Variants in ST8SIA2 observed in about 807,000 individuals in gnomAD.
ST8SIA2 encodes the protein alpha-2,8-sialyltransferase 8B.
ST8SIA2 carries 22 observed loss-of-function variants against 37.6 expected under a neutral mutation model. That is an observed-to-expected ratio of 0.58 (90% confidence interval 0.42 to 0.83). ST8SIA2 has a LOEUF of 0.83. Ranked by LOEUF, ST8SIA2 falls within the 40% of genes least tolerant of loss-of-function variation. The pLI, the probability that ST8SIA2 is intolerant of heterozygous loss-of-function variation, is 0.00. For missense variants in ST8SIA2, 382 were observed against 484.7 expected (o/e 0.79, Z 1.99); for synonymous variants, 205 against 201.2 (o/e 1.02, Z -0.16).
chr15:92,433,433 C>A (rs971868864), intron 2 of ST8SIA2, among the ~76,000 whole-genome samples: 2 of 152,274 alleles, frequency 1.3e-5, no homozygotes, highest in East Asian at 3.9e-4. Context: ...TTTATAGAAA[C>A]CTACTAGCAT....
intron 1 of ST8SIA2, among the ~76,000 whole-genome samples, chr15:92,423,554 C>T (rs1319800376): frequency 6.6e-6 from 1 of 152,230 alleles, no homozygotes; most frequent in African/African-American, 2.4e-5. Flanking sequence ...AGCAAGGCAC[C>T]AGCAGGGCAG....
intron 1 of ST8SIA2, among the ~76,000 whole-genome samples, chr15:92,397,455 C>T (rs561319884): frequency 2.4e-4 from 36 of 152,134 alleles, no homozygotes; most frequent in Non-Finnish European, 4.6e-4. Context: ...TCTCATTGAG[C>T]TGGAGCTGAC....
At chr15:92,454,097 A>AG (rs1037950783) in intron 5 of ST8SIA2, among the ~76,000 whole-genome samples, 1 of 152,188 alleles carries the variant, frequency 6.6e-6, no homozygotes, top group African/African-American at 2.4e-5. Flanking sequence ...CTCGCTAATC[A>AG]GGGCTACCGT....
chr15:92,445,750 A>T (rs1209568420), intron 5 of ST8SIA2, among the ~76,000 whole-genome samples: 1 of 152,226 alleles, frequency 6.6e-6, no homozygotes, highest in Non-Finnish European at 1.5e-5. Context: ...AGATTCCAAG[A>T]ATTAAGGAAA....
rs2049409296 is a variant in ST8SIA2, at chr15:92,393,976, C to T, written c.-89C>T. 5.8e-6 allele frequency: 5 copies of T among 861,224 alleles called. No individual in the cohort carries two copies. Among genetic ancestry groups the T allele is most frequent in the East Asian group, 4.3e-5 (1 of 23,180 alleles). 53.3% of individuals were successfully genotyped at this position (861,224 alleles called of 1,614,324 possible). On this transcript the variant is annotated 5_prime_UTR_variant, in exon 1 of 6. Transcript: ENST00000268164. ...AGGGTGTCTGCCCAGCTGCGCGCGG[C>T]GCGCGGAGGCTCCGGCGTCCGCCGC...
chr15:92,417,390 T>C (rs1567213492), intron 1 of ST8SIA2, among the ~76,000 whole-genome samples: 1 of 152,146 alleles, frequency 6.6e-6, no homozygotes, highest in East Asian at 1.9e-4. Flanking sequence ...CCAAATTGAG[T>C]GCCCTCCAGA....
In ST8SIA2 at chr15:92,430,049, G is replaced by T; in HGVS notation, c.99G>T (p.Gly33=). The T allele has an allele frequency of 1.9e-6, 3 of 1,614,152 alleles. No homozygotes were observed. The highest frequency in any genetic ancestry group is 2.5e-6 in the Non-Finnish European group (3 of 1,180,018). ...ATAATGCATTTCCTTTGTCTTGCAGGAATTCGGGAGGCAGAGGTACAATCA... is the reference window on the plus strand; with the variant it reads ...ATAATGCATTTCCTTTGTCTTGCAGTAATTCGGGAGGCAGAGGTACAATCA... ...ADISEIEEEI[G]NSGGRGTIRS... is the part of the protein sequence containing the mutation. Residue 33 remains glycine (G), a splice_region_variant and synonymous_variant, in exon 2 of 6, where the codon GGG becomes GGT. Coordinates refer to ENST00000268164, the MANE Select transcript of ST8SIA2 (RefSeq NM_006011.4).
intron 1 of ST8SIA2, among the ~76,000 whole-genome samples, chr15:92,415,634 A>G (rs1291557424): frequency 6.6e-6 from 1 of 151,908 alleles, no homozygotes; most frequent in Non-Finnish European, 1.5e-5. Flanking sequence ...GTTCACTGTT[A>G]CCAGATCTTC....
rs1384590239 is a variant in ST8SIA2 at position 92,464,211 on chromosome 15, T to C, written c.954T>C (p.Phe318=). ...TCTACCTCTACGGCTTCTGGCCCTTTCCGCTGGATCAGAACCAGAACCCAG... is the reference window on the plus strand; with the variant it reads ...TCTACCTCTACGGCTTCTGGCCCTTCCCGCTGGATCAGAACCAGAACCCAG... ...KQIYLYGFWP[F]PLDQNQNPVK... is the part of the protein sequence containing the mutation. The change falls in exon 6 of 6, where the codon TTT becomes TTC. Residue 318 remains phenylalanine (F), a synonymous_variant. Transcript: ENST00000268164. 6.2e-7 allele frequency: 1 copy of C among 1,613,914 alleles called. No individual in the cohort carries two copies. The highest frequency in any genetic ancestry group is 1.3e-5 in the African/African-American group (1 of 74,934).
In ST8SIA2 at chr15:92,450,850, C is replaced by T. The variant is rs73547856; in HGVS notation, c.842+5921C>T. The stretch of plus-strand genomic sequence containing the variant: ...GCATGGCTATTAGTAAACACACATA[C>T]ACACACACAGAAAATAACAAGTGTT... On this transcript the variant is annotated intron_variant, in intron 5 of 5. Coordinates refer to ENST00000268164, the MANE Select transcript of ST8SIA2 (RefSeq NM_006011.4). Among the ~76,000 whole-genome samples, 952 of 152,254 alleles carry T rather than the reference C, an allele frequency of 6.3e-3. 14 individuals carry two copies. The highest frequency in any genetic ancestry group is 0.022 in the African/African-American group (904 of 41,540).
chr15:92,444,552 G>A (rs886824435), intron 4 of ST8SIA2, 84 bp from the exon 5 acceptor site: 3 of 1,561,940 alleles, frequency 1.9e-6, no homozygotes, highest in South Asian at 1.1e-5. Flanking sequence ...AAGAAGCAAG[G>A]AGAGGCAAAG....
At chr15:92,399,888 C>T (rs547151671) in intron 1 of ST8SIA2, among the ~76,000 whole-genome samples, 9 of 152,324 alleles carry the variant, frequency 5.9e-5, no homozygotes, top group African/African-American at 1.9e-4. Context: ...ATAAATACTT[C>T]TTCGAGAGGG....
chr15:92,394,020 CT>C lies in ST8SIA2; in HGVS notation c.-44del. 8.1e-6 allele frequency: 12 copies of C among 1,484,436 alleles called. No homozygotes were observed. The highest frequency in any genetic ancestry group is 1.1e-5 in the Non-Finnish European group (12 of 1,098,882). The allele number at this position is 1,484,436 out of a possible 1,614,324, so 92.0% of individuals were successfully genotyped here. ...CCGCCGCTGCGCCCTCCGGCCCCTG[CT>C]CCTCGCGCCGGCCCGCGTGGGTCCC... is the stretch of plus-strand genomic sequence containing the variant. On this transcript the variant is annotated 5_prime_UTR_variant, in exon 1 of 6. Coordinates refer to ENST00000268164, the MANE Select transcript of ST8SIA2 (RefSeq NM_006011.4).
chr15:92,433,196 C>CT (rs1024813527), intron 2 of ST8SIA2, among the ~76,000 whole-genome samples: 7 of 151,888 alleles, frequency 4.6e-5, no homozygotes, highest in African/African-American at 1.7e-4. Context: ...AGGATTTCAT[C>CT]TTTTTTAACT....
intron 4 of ST8SIA2, among the ~76,000 whole-genome samples, chr15:92,443,151 T>C (rs920049435): frequency 1.3e-5 from 2 of 152,206 alleles, no homozygotes; most frequent in Admixed American, 1.3e-4. Flanking sequence ...TTCCTGGATT[T>C]CTTCGTTTGA....
intron 1 of ST8SIA2, among the ~76,000 whole-genome samples, chr15:92,423,529 G>A (rs1314200188): frequency 6.6e-6 from 1 of 152,264 alleles, no homozygotes; most frequent in African/African-American, 2.4e-5. Flanking sequence ...AGTTCCGGAG[G>A]CTGAGAAGTC....
chr15:92,425,466 G>C (rs867423478), intron 1 of ST8SIA2, among the ~76,000 whole-genome samples: 2 of 152,214 alleles, frequency 1.3e-5, no homozygotes, highest in South Asian at 4.1e-4. Flanking sequence ...ACTGTGCAAG[G>C]CTAAGAAAGT....
intron 1 of ST8SIA2, among the ~76,000 whole-genome samples, chr15:92,394,514 G>T (rs1337313843): frequency 6.6e-6 from 1 of 152,122 alleles, no homozygotes; most frequent in Non-Finnish European, 1.5e-5. Flanking sequence ...GCGGGCGGAG[G>T]GGCCGAGAGT....
chr15:92,412,683 G>C (rs573482693), intron 1 of ST8SIA2, among the ~76,000 whole-genome samples: 1 of 152,054 alleles, frequency 6.6e-6, no homozygotes, highest in Admixed American at 6.6e-5. Flanking sequence ...TTTGAGACAG[G>C]GTCTTGCTCT....
Sources: allele counts gnomAD v4.1 joint callset (sites outside exome capture counted in the v4.1 genomes callset), GRCh38; gene constraint gnomAD v4.1.1; transcripts MANE v1.5; gene names NCBI Gene and HGNC (gene_info 2026-07-23, HGNC 2026-07-21).